Variants in ZNF143 observed in about 807,000 individuals in gnomAD.
ZNF143 encodes the protein SPH-binding factor.
A neutral mutation model predicts 74.1 loss-of-function variants in ZNF143; 49 were observed. The observed-to-expected ratio is 0.66, with a 90% CI of 0.53 to 0.84. The LOEUF (loss-of-function observed/expected upper bound fraction) is 0.84. Among genes scored for constraint, ZNF143 ranks in the 40% least tolerant of loss-of-function variants. The pLI is 0.00. For missense variants in ZNF143, 637 were observed against 793.4 expected, an observed-to-expected ratio of 0.80 and a Z score of 2.37; for synonymous variants, 304 against 282.8, an observed-to-expected ratio of 1.07 and a Z score of -0.75.
Position 9,489,254 on chromosome 11 carries a change from T to G in ZNF143, c.646-5392T>G, listed in dbSNP as rs1847677512. ...GAAATAATTCTGTTGGACACTGCCCTTACTTATAATTCTCTTAGCATGCCA... is the reference window on the plus strand; with the variant it reads ...GAAATAATTCTGTTGGACACTGCCCGTACTTATAATTCTCTTAGCATGCCA... On this transcript the variant is annotated intron_variant, in intron 7 of 15. Coordinates refer to ENST00000396602, the MANE Select transcript of ZNF143 (RefSeq NM_003442.6). Among the ~76,000 whole-genome samples, 4 of 152,166 alleles carry G rather than the reference T, an allele frequency of 2.6e-5. No homozygotes were observed. In the South Asian group the frequency reaches 8.3e-4, roughly 31 times the overall value.
At chr11:9,475,914 G>GTA (rs2133891306) in intron 5 of ZNF143, among the ~76,000 whole-genome samples, 1 of 111,692 alleles carries the variant, frequency 9.0e-6, no homozygotes, top group South Asian at 2.5e-4. Context: ...ATATATATGT[G>GTA]TGTGTGTGTG....
intron 7 of ZNF143, among the ~76,000 whole-genome samples, chr11:9,484,987 CAG>C (rs2133964293): frequency 6.7e-6 from 1 of 149,140 alleles, no homozygotes; most frequent in African/African-American, 2.5e-5. Flanking sequence ...TTAGTAGAGA[CAG>C]GGTTTCACTG....
At chr11:9,509,944 A>G (rs913589301) in intron 12 of ZNF143, among the ~76,000 whole-genome samples, 3 of 152,180 alleles carry the variant, frequency 2.0e-5, no homozygotes, top group Non-Finnish European at 4.4e-5. Flanking sequence ...TGTATATTTG[A>G]CAATTGCTAA....
intron 5 of ZNF143, among the ~76,000 whole-genome samples, chr11:9,475,912 G>A (rs10466510): frequency 0.18 from 9,992 of 55,252 alleles, 362 homozygotes; most frequent in Non-Finnish European, 0.25. Context: ...AAATATATAT[G>A]TGTGTGTGTG....
At chr11:9,496,510 A>G (rs972345584) in intron 9 of ZNF143, 132 bp downstream of exon 9, 1 of 728,920 alleles carries the variant, frequency 1.4e-6, no homozygotes, top group Admixed American at 2.2e-5. Flanking sequence ...AGTCTCTCTC[A>G]TAACTGCCTT....
At chr11:9,475,910 ATGTGTGTGTGTGTG>A (rs61636956) in intron 5 of ZNF143, among the ~76,000 whole-genome samples, 186 of 137,360 alleles carry the variant, frequency 1.4e-3, no homozygotes, top group East Asian at 3.7e-3. Context: ...AAAAATATAT[ATGTGTGTGTGTGTG>A]TGTGTGTGTG....
chr11:9,503,019 G>A (rs1028613515), intron 11 of ZNF143, among the ~76,000 whole-genome samples: 2 of 152,104 alleles, frequency 1.3e-5, no homozygotes, highest in African/African-American at 4.8e-5. Flanking sequence ...TTTTAGTAGA[G>A]ACGGGGTTTC....
intron 7 of ZNF143, among the ~76,000 whole-genome samples, chr11:9,488,301 G>A (rs1461949379): frequency 2.0e-5 from 3 of 152,096 alleles, no homozygotes; most frequent in South Asian, 2.1e-4. Context: ...GGTGATCTTG[G>A]CTTGTCCCTT....
intron 13 of ZNF143, 37 bp from the exon 14 acceptor site, chr11:9,516,164 A>G (rs773715572): frequency 6.2e-6 from 10 of 1,607,486 alleles, no homozygotes; most frequent in East Asian, 4.5e-5. Context: ...CTATAACAAG[A>G]AACATTGACT....
chr11:9,489,119 C>A (rs534692398), intron 7 of ZNF143, among the ~76,000 whole-genome samples: 1 of 152,222 alleles, frequency 6.6e-6, no homozygotes, highest in Admixed American at 6.5e-5. Flanking sequence ...TTGTAGTTTT[C>A]TTTCCAGAGG....
In ZNF143 at chr11:9,512,534, A is replaced by G; in HGVS notation, c.1462A>G (p.Thr488Ala). The change falls in exon 13 of 16, where the codon ACA becomes GCA. Residue 488 changes from threonine to alanine, a missense_variant. Thr to Ala is a moderately conservative substitution (Grantham distance 58). Around this residue, in one of 2 missense-constraint regions of ZNF143, gnomAD observed 344 missense variants for 485.6 expected, o/e 0.71. Coordinates refer to ENST00000396602, the MANE Select transcript of ZNF143 (RefSeq NM_003442.6). Reference sequence around the variant, plus strand: ...CGACGTTGTTTCTACACAAGTAGCCACAGTAACCCAATCTGGACTGAGTCA... The same window carrying G: ...CGACGTTGTTTCTACACAAGTAGCCGCAGTAACCCAATCTGGACTGAGTCA... ...GDDVVSTQVA[T>A]VTQSGLSQQV... is the part of the protein sequence containing the mutation. The G allele has an allele frequency of 6.2e-7, 1 of 1,614,210 alleles. No homozygotes were observed.
intron 15 of ZNF143, among the ~76,000 whole-genome samples, chr11:9,527,080 G>A (rs763833057): frequency 1.3e-5 from 2 of 152,076 alleles, no homozygotes; most frequent in East Asian, 1.9e-4. Flanking sequence ...TGATCTGCCC[G>A]CCTCGGCCTC....
chr11:9,463,609 T>C (rs537628274), intron 1 of ZNF143, among the ~76,000 whole-genome samples: 1 of 152,260 alleles, frequency 6.6e-6, no homozygotes, highest in Non-Finnish European at 1.5e-5. Context: ...TTTACCCATT[T>C]TAAAGTTGGA....
rs1199364903 is a variant in ZNF143, at chr11:9,491,877, T to G, written c.646-2769T>G. Among the ~76,000 whole-genome samples, 3 of 152,114 alleles carry G rather than the reference T, an allele frequency of 2.0e-5. No homozygotes were observed. In the East Asian group the frequency reaches 5.8e-4, roughly 29 times the overall value. On this transcript the variant is annotated intron_variant, in intron 7 of 15. Coordinates refer to ENST00000396602, the MANE Select transcript of ZNF143 (RefSeq NM_003442.6). Reference sequence around the variant, plus strand: ...ACTCCTGATCTCAAACGATCTGCCTTCCTTGGCCTCCAAAAGTGCTGGGAT... The same window carrying G: ...ACTCCTGATCTCAAACGATCTGCCTGCCTTGGCCTCCAAAAGTGCTGGGAT...
intron 7 of ZNF143, among the ~76,000 whole-genome samples, chr11:9,489,877 T>C (rs1407563670): frequency 1.3e-5 from 2 of 152,190 alleles, no homozygotes; most frequent in Non-Finnish European, 2.9e-5. Context: ...TCTACACTTG[T>C]ATATGTATTT....
intron 13 of ZNF143, 52 bp downstream of exon 13, chr11:9,512,648 T>C (rs1258037303): frequency 6.2e-7 from 1 of 1,605,410 alleles, no homozygotes; most frequent in East Asian, 2.2e-5. Context: ...GAACCTGGGC[T>C]TGAAAGGCAG....
At chr11:9,511,098 GCTT>G (rs1411416899) in intron 12 of ZNF143, among the ~76,000 whole-genome samples, 42 of 138,564 alleles carry the variant, frequency 3.0e-4, no homozygotes, top group Non-Finnish European at 5.0e-4. Flanking sequence ...ACTTTTAACA[GCTT>G]CTTTTTTTTT....
At chr11:9,479,431 C>T in intron 6 of ZNF143, 41 bp from the exon 7 acceptor site, 1 of 1,535,804 alleles carries the variant, frequency 6.5e-7, no homozygotes, top group Non-Finnish European at 8.9e-7. Context: ...AAACCATTAT[C>T]AAAATGTAAA....
At chr11:9,505,878 CA>C (rs1177848404) in intron 11 of ZNF143, among the ~76,000 whole-genome samples, 13,269 of 66,854 alleles carry the variant, frequency 0.2, 673 homozygotes, top group African/African-American at 0.31. Context: ...GACTCCATAT[CA>C]AAAAAAAAAA....
Sources: allele counts gnomAD v4.1 joint callset (sites outside exome capture counted in the v4.1 genomes callset), GRCh38; gene constraint gnomAD v4.1.1; regional missense constraint gnomAD v4.1.1; transcripts MANE v1.5; gene names NCBI Gene and HGNC (gene_info 2026-07-23, HGNC 2026-07-21).